Variants in TRIM67 observed in about 807,000 individuals in gnomAD.
TRIM67 encodes tripartite motif containing 67.
TRIM67 carries 39 observed loss-of-function variants against 71.0 expected under a neutral mutation model. The ratio of observed to expected loss-of-function variants is 0.55; its 90% CI spans 0.43 to 0.72. The LOEUF (loss-of-function observed/expected upper bound fraction) is 0.72, where lower values mean the gene tolerates loss of function less well. TRIM67 is among the 30% of genes least tolerant of loss of function. The pLI is 0.00. For missense variants in TRIM67, 973 were observed against 1,079.2 expected (o/e 0.90, Z 1.38); for synonymous variants, 481 against 473.9 (o/e 1.01, Z -0.19).
chr1:231,187,552 AT>A, intron 1 of TRIM67: 2 of 1,533,044 alleles, frequency 1.3e-6, no homozygotes, highest in Non-Finnish European at 1.7e-6. Flanking sequence ...GGTGAGAGAA[AT>A]CCCCTGTGGT....
In TRIM67 at chr1:231,215,546, A is replaced by G; in HGVS notation, c.*106A>G. On this transcript the variant is annotated 3_prime_UTR_variant, in exon 10 of 10. Transcript: ENST00000366653. ...CCCACAAAAGCAGGATATGCAAATC[A>G]TGGGTGCAACCTGGCAGCGTGGAGT... is the stretch of plus-strand genomic sequence containing the variant. 6.9e-7 allele frequency: 1 copy of G among 1,455,626 alleles called. No homozygotes were observed. The highest frequency in any genetic ancestry group is 9.1e-7 in the Non-Finnish European group (1 of 1,095,858). The allele number at this position is 1,455,626 out of a possible 1,614,324, so 90.2% of individuals were successfully genotyped here.
chr1:231,181,486 C>T (rs141777167), intron 1 of TRIM67, among the ~76,000 whole-genome samples: 2 of 152,308 alleles, frequency 1.3e-5, no homozygotes, highest in African/African-American at 2.4e-5. Flanking sequence ...GTTACTGCAG[C>T]GTCACTAGCT....
intron 1 of TRIM67, among the ~76,000 whole-genome samples, chr1:231,183,803 A>G (rs953267969): frequency 2.6e-5 from 4 of 152,154 alleles, no homozygotes; most frequent in African/African-American, 9.7e-5. Flanking sequence ...ACTTACTGCT[A>G]TTACCCGCCT....
At chr1:231,172,356 C>T (rs777708557) in intron 1 of TRIM67, among the ~76,000 whole-genome samples, 21 of 151,778 alleles carry the variant, frequency 1.4e-4, no homozygotes, top group African/African-American at 3.4e-4. Flanking sequence ...AAGGTGGGGA[C>T]GGGATGGGGG....
rs915053159 is a variant in TRIM67, at chr1:231,163,668, C to T, written c.699C>T (p.Ala233=). The change falls in exon 1 of 10, where the codon GCC becomes GCT. Residue 233 remains alanine, a synonymous_variant. Transcript: ENST00000366653. ...CEQCDVLYCS[A]CQLKCHPSRG... ...AGTGCGACGTCCTCTACTGCTCTGC[C>T]TGCCAGCTCAAGTGCCATCCATCCC... 6.6e-7 allele frequency: 1 copy of T among 1,517,924 alleles called. No homozygotes were observed. Among genetic ancestry groups the T allele is most frequent in the Admixed American group, 2.1e-5 (1 of 48,058 alleles). 94.0% of individuals were successfully genotyped at this position (1,517,924 alleles called of 1,614,324 possible).
intron 1 of TRIM67, among the ~76,000 whole-genome samples, chr1:231,190,573 G>A (rs1452240059): frequency 3.3e-5 from 5 of 152,172 alleles, no homozygotes; most frequent in Admixed American, 2.0e-4. Context: ...CATACCAGGG[G>A]CTGCCACCCA....
At chr1:231,208,425 C>T (rs1275131264) in intron 7 of TRIM67, among the ~76,000 whole-genome samples, 2 of 152,112 alleles carry the variant, frequency 1.3e-5, no homozygotes, top group Non-Finnish European at 2.9e-5. Context: ...CCTCCCGCCT[C>T]GGCCTCCCAA....
intron 1 of TRIM67, chr1:231,186,113 TG>T (rs1367193049): frequency 6.5e-7 from 1 of 1,533,084 alleles, no homozygotes; most frequent in African/African-American, 1.4e-5. Flanking sequence ...GCTTGCTGAA[TG>T]AATACATCGG....
chr1:231,200,015 G>A (rs1683475624), intron 3 of TRIM67, 133 bp from the exon 4 acceptor site: 4 of 649,712 alleles, frequency 6.2e-6, no homozygotes, highest in African/African-American at 1.8e-5. Flanking sequence ...GCTGAGAGAG[G>A]AGCTGGTGCA....
chr1:231,219,178 A>C lies in TRIM67; in HGVS notation c.*3738A>C. On this transcript the variant is annotated 3_prime_UTR_variant, in exon 10 of 10. Transcript: ENST00000366653. The stretch of plus-strand genomic sequence containing the variant: ...GCTGCACAGCCCGTGGGGTGGCGCC[A>C]GGGTTTCTCAACCTCTACTGACATT... 1 of 985,554 alleles carries C rather than the reference A, an allele frequency of 1.0e-6. No homozygotes were observed. 61.1% of individuals were successfully genotyped at this position (985,554 alleles called of 1,614,324 possible).
At chr1:231,205,942 C>T (rs1683683098) in intron 6 of TRIM67, among the ~76,000 whole-genome samples, 1 of 152,090 alleles carries the variant, frequency 6.6e-6, no homozygotes, top group South Asian at 2.1e-4. Context: ...TGTTCCTGGT[C>T]AGTATCCTGG....
At chr1:231,182,024 G>A (rs1682919586) in intron 1 of TRIM67, among the ~76,000 whole-genome samples, 1 of 152,184 alleles carries the variant, frequency 6.6e-6, no homozygotes, top group South Asian at 2.1e-4. Context: ...AGTGACAAAT[G>A]AGGGCCTTGC....
intron 1 of TRIM67, 120 bp downstream of exon 1, chr1:231,164,133 T>A: frequency 1.6e-6 from 2 of 1,231,976 alleles, no homozygotes; most frequent in Non-Finnish European, 2.1e-6. Flanking sequence ...AGGAATTACC[T>A]CACTCATTAG....
chr1:231,191,171 C>T (rs1683219651), intron 1 of TRIM67, among the ~76,000 whole-genome samples: 6 of 152,206 alleles, frequency 3.9e-5, no homozygotes, highest in African/African-American at 1.4e-4. Flanking sequence ...TCAAGCAATC[C>T]TTCCACCTCA....
chr1:231,192,737 C>T (rs577831960), intron 1 of TRIM67, among the ~76,000 whole-genome samples: 32 of 152,362 alleles, frequency 2.1e-4, no homozygotes, highest in Admixed American at 1.4e-3. Context: ...AGGGCCCTCA[C>T]GTGGCTGAGC....
intron 1 of TRIM67, among the ~76,000 whole-genome samples, chr1:231,167,880 G>T (rs73114169): frequency 0.039 from 5,969 of 152,216 alleles, 196 homozygotes; most frequent in African/African-American, 0.09. Flanking sequence ...TATTAAAAGG[G>T]ATAATACATA....
intron 1 of TRIM67, among the ~76,000 whole-genome samples, chr1:231,183,055 C>T (rs769734745): frequency 6.6e-6 from 1 of 152,106 alleles, no homozygotes; most frequent in South Asian, 2.1e-4. Context: ...GGCAGGAGCT[C>T]GTGGGGAACT....
intron 9 of TRIM67, 88 bp downstream of exon 9, chr1:231,214,065 A>G (rs1683944501): frequency 2.1e-6 from 3 of 1,418,938 alleles, no homozygotes; most frequent in Non-Finnish European, 2.8e-6. Flanking sequence ...AGAGTGGGCC[A>G]TAAAGAAGCT....
chr1:231,175,847 C>T lies in TRIM67; in HGVS notation c.1044+11834C>T, dbSNP rs547307153. ...CCTTGAGTGATTCCTGCCATTTGGG[C>T]CTCATGTGCATTGTGGGTAACTTCC... On this transcript the variant is annotated intron_variant, in intron 1 of 9. Coordinates refer to ENST00000366653, the MANE Select transcript of TRIM67 (RefSeq NM_001004342.5). Among the ~76,000 whole-genome samples, 4 of 152,348 alleles carry T rather than the reference C, an allele frequency of 2.6e-5. No individual in the cohort carries two copies. In the East Asian group the frequency reaches 7.7e-4, roughly 29 times the overall value.
Sources: gnomAD v4.1 joint callset for allele counts (sites outside exome capture counted in the v4.1 genomes callset) on GRCh38, gnomAD v4.1.1 for gene constraint, MANE v1.5 for transcripts, NCBI Gene and HGNC (gene_info 2026-07-23, HGNC 2026-07-21) for gene names.